PRIMA1: variants seen among roughly 807,000 people sequenced by gnomAD.
PRIMA1 encodes the protein proline rich membrane anchor 1, also known as proline-rich membrane anchor 1.
Under a neutral mutation model 17.5 loss-of-function variants are expected in PRIMA1, and 7 were observed. The ratio of observed to expected loss-of-function variants is 0.40; its 90% CI spans 0.23 to 0.75. The LOEUF (loss-of-function observed/expected upper bound fraction) is 0.75, where lower values mean the gene tolerates loss of function less well. Ranked by LOEUF, PRIMA1 falls within the 30% of genes least tolerant of loss-of-function variation. The pLI, the probability that PRIMA1 is intolerant of heterozygous loss-of-function variation, is 0.37. For synonymous variants in PRIMA1, 97 were observed against 77.9 expected, an observed-to-expected ratio of 1.25 and a Z score of -1.29; for missense variants, 200 against 201.8, an observed-to-expected ratio of 0.99 and a Z score of 0.05.
rs948439172 is a variant in PRIMA1 at position 93,726,584 on chromosome 14, C to T, written c.360-5038G>A. On this transcript the variant is annotated intron_variant, in intron 4 of 4. Coordinates refer to ENST00000393140, the MANE Select transcript of PRIMA1 (RefSeq NM_178013.4). The surrounding 1 kb of genome is among the most constrained non-coding windows in gnomAD (Gnocchi z 4.2). The stretch of plus-strand genomic sequence containing the variant: ...CACATACACACACACTATACACATA[C>T]ACATGTACGCAAACACACACATATA... Among the ~76,000 whole-genome samples, 1 of 152,014 alleles carries T rather than the reference C, an allele frequency of 6.6e-6. No homozygotes were observed. The highest frequency in any genetic ancestry group is 2.4e-5 in the African/African-American group (1 of 41,362).
intron 3 of PRIMA1, among the ~76,000 whole-genome samples, chr14:93,777,079 T>C (rs896611786): frequency 1.3e-5 from 2 of 152,146 alleles, no homozygotes; most frequent in African/African-American, 4.8e-5. Flanking sequence ...ATAAGGCAAA[T>C]AAGAGATGGT....
At chr14:93,787,809 C>G in intron 1 of PRIMA1, 60 bp from the exon 2 acceptor site, 2 of 1,490,606 alleles carry the variant, frequency 1.3e-6, no homozygotes, top group Non-Finnish European at 1.8e-6. Flanking sequence ...CGCCGCCGCG[C>G]ACCAATATAC....
At chr14:93,729,613 C>G (rs2076100735) in intron 4 of PRIMA1, among the ~76,000 whole-genome samples, 1 of 152,224 alleles carries the variant, frequency 6.6e-6, no homozygotes, top group Admixed American at 6.5e-5. Context: ...ACCTTTTCTT[C>G]CCCATGCCCC....
At chr14:93,756,652 C>T (rs2076292531) in intron 3 of PRIMA1, among the ~76,000 whole-genome samples, 1 of 152,136 alleles carries the variant, frequency 6.6e-6, no homozygotes, top group Non-Finnish European at 1.5e-5. Flanking sequence ...CCCAGCACGT[C>T]CCCCAGCCCC....
intron 2 of PRIMA1, among the ~76,000 whole-genome samples, chr14:93,783,865 A>G (rs1595229354): frequency 6.6e-6 from 1 of 151,920 alleles, no homozygotes; most frequent in East Asian, 1.9e-4. Context: ...TCCAACCACC[A>G]TCCTACTCCT....
chr14:93,786,748 C>T (rs1031131170), intron 2 of PRIMA1, among the ~76,000 whole-genome samples: 1 of 152,120 alleles, frequency 6.6e-6, no homozygotes, highest in Admixed American at 6.5e-5. Context: ...GGCAGAAGAA[C>T]GGCATTGCTA....
At chr14:93,739,109 G>C (rs1452691474) in intron 3 of PRIMA1, among the ~76,000 whole-genome samples, 1 of 151,594 alleles carries the variant, frequency 6.6e-6, no homozygotes. Context: ...CTGGAGTGCA[G>C]TGGCACGATC....
At position 93,722,499 on chromosome 14, in the gene PRIMA1, GTGGTGGTGATGGTTCGGTTGACAA is replaced by G. The variant is rs1356669592; in HGVS notation, c.360-977_360-954del. On this transcript the variant is annotated intron_variant, in intron 4 of 4. Coordinates refer to ENST00000393140, the MANE Select transcript of PRIMA1 (RefSeq NM_178013.4). ...GATGATAGTGATGGTTAGGGTAATGGTGGTGGTGATGGTTCGGTTGACAATGGTGGTGATGGTGATACTCGTGAT... is the reference window on the plus strand; with the variant it reads ...GATGATAGTGATGGTTAGGGTAATGGTGGTGGTGATGGTGATACTCGTGAT... 4.3e-4 allele frequency among the ~76,000 whole-genome samples: 66 copies of G among 151,958 alleles called. No individual in the cohort carries two copies. In the East Asian group the frequency reaches 0.011, roughly 25 times the overall value.
intron 3 of PRIMA1, among the ~76,000 whole-genome samples, chr14:93,765,166 G>C (rs1026918686): frequency 6.6e-6 from 1 of 151,796 alleles, no homozygotes; most frequent in African/African-American, 2.4e-5. Context: ...CCAAAACCGA[G>C]ACATGGCCCC....
intron 2 of PRIMA1, among the ~76,000 whole-genome samples, chr14:93,786,198 C>T (rs1050797462): frequency 6.6e-6 from 1 of 152,150 alleles, no homozygotes; most frequent in Non-Finnish European, 1.5e-5. Context: ...GTTGAACAAG[C>T]GAAGCTGGTC....
intron 3 of PRIMA1, among the ~76,000 whole-genome samples, chr14:93,745,009 G>A (rs1170702333): frequency 6.6e-6 from 1 of 151,902 alleles, no homozygotes; most frequent in Admixed American, 6.5e-5. Context: ...CCTGCAGCCT[G>A]TAGCCCGGGG....
rs186350583 is a variant in PRIMA1, at chr14:93,749,350, C to T, written c.230-11980G>A. Among the ~76,000 whole-genome samples the T allele has an allele frequency of 7.2e-5, 11 of 152,314 alleles. No homozygotes were observed. The East Asian group carries it at 1.5e-3, about 21-fold the overall frequency. ...TCAGCTGCGAATCCACTCACTGATTCGCTCAATACACATCTGTTAAGAGCC... is the reference window on the plus strand; with the variant it reads ...TCAGCTGCGAATCCACTCACTGATTTGCTCAATACACATCTGTTAAGAGCC... On this transcript the variant is annotated intron_variant, in intron 3 of 4. Transcript: ENST00000393140.
Position 93,720,544 on chromosome 14 carries a change from G to C in PRIMA1, c.*900C>G, listed in dbSNP as rs2141146038. The C allele has an allele frequency of 6.5e-6, 1 of 153,070 alleles. No individual in the cohort carries two copies. The allele number at this position is 153,070 out of a possible 1,614,324, so 9.5% of individuals were successfully genotyped here. A position where few individuals can be genotyped will look rare whatever the true frequency, so the allele number is the denominator to read the frequency against. ...GACATCCAGCGCCTGGCCAGCATCAGCCTGGTACAGCAGGCCCACAGTGGA... is the reference window on the plus strand; with the variant it reads ...GACATCCAGCGCCTGGCCAGCATCACCCTGGTACAGCAGGCCCACAGTGGA... On this transcript the variant is annotated 3_prime_UTR_variant, in exon 5 of 5. Coordinates refer to ENST00000393140, the MANE Select transcript of PRIMA1 (RefSeq NM_178013.4).
At chr14:93,754,277 A>T (rs1424205964) in intron 3 of PRIMA1, among the ~76,000 whole-genome samples, 1 of 152,054 alleles carries the variant, frequency 6.6e-6, no homozygotes, top group Non-Finnish European at 1.5e-5. Context: ...TCACAATCCC[A>T]ATTGTGGAGT....
Position 93,745,566 on chromosome 14 carries a change from C to T in PRIMA1, c.230-8196G>A, listed in dbSNP as rs533952907. Among the ~76,000 whole-genome samples, 19 of 152,340 alleles carry T rather than the reference C, an allele frequency of 1.2e-4. No homozygotes were observed. The South Asian group carries it at 2.5e-3, about 20-fold the overall frequency. On this transcript the variant is annotated intron_variant, in intron 3 of 4. Coordinates refer to ENST00000393140, the MANE Select transcript of PRIMA1 (RefSeq NM_178013.4). ...CTCCTTGCCCCACGCTCCTCAATACCGCTGGGGCAGTGCCTTCCTCCTGGC... is the reference window on the plus strand; with the variant it reads ...CTCCTTGCCCCACGCTCCTCAATACTGCTGGGGCAGTGCCTTCCTCCTGGC...
chr14:93,760,269 T>C (rs1301765100), intron 3 of PRIMA1, among the ~76,000 whole-genome samples: 1 of 152,192 alleles, frequency 6.6e-6, no homozygotes, highest in Non-Finnish European at 1.5e-5. Context: ...CTACCTCGAC[T>C]AACTCAGCTG....
At chr14:93,732,560 T>C (rs569483280) in intron 4 of PRIMA1, among the ~76,000 whole-genome samples, 7 of 152,314 alleles carry the variant, frequency 4.6e-5, no homozygotes, top group Middle Eastern at 3.4e-3. Context: ...AAAAGGTATG[T>C]GCAGCATGGG....
chr14:93,775,706 C>G (rs774269100), intron 3 of PRIMA1, among the ~76,000 whole-genome samples: 3 of 152,242 alleles, frequency 2.0e-5, no homozygotes, highest in Admixed American at 6.5e-5. Context: ...ATGAATAAAT[C>G]ACATTCTCCA....
intron 3 of PRIMA1, among the ~76,000 whole-genome samples, chr14:93,773,319 G>C (rs1199104646): frequency 6.6e-6 from 1 of 152,246 alleles, no homozygotes; most frequent in Non-Finnish European, 1.5e-5. Flanking sequence ...TGAAAGGGCT[G>C]GGGCTGGCCC....
Sources: gnomAD v4.1 joint callset for allele counts (sites outside exome capture counted in the v4.1 genomes callset) on GRCh38, gnomAD v4.1.1 for gene constraint, Gnocchi (gnomAD v3.1) non-coding constraint, MANE v1.5 for transcripts, NCBI Gene and HGNC (gene_info 2026-07-23, HGNC 2026-07-21) for gene names.